ARFGEF1: variants seen among roughly 807,000 people sequenced by gnomAD.
ARFGEF1 encodes the protein brefeldin A-inhibited guanine nucleotide-exchange protein 1.
Under a neutral mutation model 231.0 loss-of-function variants are expected in ARFGEF1, and 42 were observed. The ratio of observed to expected loss-of-function variants is 0.18; its 90% confidence interval spans 0.14 to 0.24. The LOEUF (loss-of-function observed/expected upper bound fraction) is 0.24. ARFGEF1 is among the 10% of genes least tolerant of loss of function. ARFGEF1 has a pLI of 1.00. For synonymous variants in ARFGEF1, 710 were observed against 732.3 expected, an observed-to-expected ratio of 0.97 and a Z score of 0.49; for missense variants, 1,345 against 2,192.0, an observed-to-expected ratio of 0.61 and a Z score of 7.72.
intron 1 of ARFGEF1, among the ~76,000 whole-genome samples, chr8:67,329,216 CAAAACAA>C: frequency 6.7e-6 from 1 of 149,628 alleles, no homozygotes; most frequent in African/African-American, 2.5e-5. Context: ...TCTTTAAAAA[CAAAACAA>C]AAAACAAAAC....
At chr8:67,310,454 C>T (rs1320661177) in intron 1 of ARFGEF1, among the ~76,000 whole-genome samples, 2 of 152,224 alleles carry the variant, frequency 1.3e-5, no homozygotes, top group African/African-American at 4.8e-5. Flanking sequence ...CTACAACCTA[C>T]ACCTCCCAGC....
At chr8:67,221,762 G>A (rs539226420) in intron 29 of ARFGEF1, among the ~76,000 whole-genome samples, 2 of 151,512 alleles carry the variant, frequency 1.3e-5, no homozygotes, top group African/African-American at 4.8e-5. Flanking sequence ...CCAGTCCGGC[G>A]AGTTCCAGTC....
At chr8:67,182,263 G>C (rs1320899808) in intron 5 of ARFGEF1, among the ~76,000 whole-genome samples, 1 of 152,062 alleles carries the variant, frequency 6.6e-6, no homozygotes, top group Non-Finnish European at 1.5e-5. Context: ...GCCTCCCAAA[G>C]TGCCAAAGTG....
chr8:67,243,523 C>G (rs1839996372), intron 19 of ARFGEF1, among the ~76,000 whole-genome samples: 1 of 152,204 alleles, frequency 6.6e-6, no homozygotes, highest in Admixed American at 6.5e-5. Flanking sequence ...TTACCTCCCA[C>G]TGGGTCTCTC....
intron 3 of ARFGEF1, among the ~76,000 whole-genome samples, chr8:67,299,814 A>G (rs1412297587): frequency 6.6e-6 from 1 of 152,020 alleles, no homozygotes; most frequent in Non-Finnish European, 1.5e-5. Flanking sequence ...ACAAAAAATA[A>G]AAAATTAGCT....
chr8:67,222,216 T>C (rs1243600449), intron 29 of ARFGEF1, among the ~76,000 whole-genome samples: 2 of 125,176 alleles, frequency 1.6e-5, no homozygotes, highest in African/African-American at 6.2e-5. Flanking sequence ...CACACACATA[T>C]ATATATATGT....
intron 13 of ARFGEF1, 106 bp from the exon 14 acceptor site, chr8:67,266,313 A>G (rs1804848735): frequency 6.4e-6 from 5 of 777,968 alleles, no homozygotes; most frequent in Non-Finnish European, 1.0e-5. Flanking sequence ...TGTTGCTTAG[A>G]TATCTATTTA....
downstream of ARFGEF1, chr8:67,195,454 C>G: frequency 1.2e-6 from 2 of 1,614,166 alleles, no homozygotes; most frequent in Non-Finnish European, 1.7e-6. Context: ...AACTCTGTAG[C>G]AACTGAGCCC....
rs1456116057 is a variant in ARFGEF1, at chr8:67,343,634, C to T, written c.-347G>A. 3 of 1,025,340 alleles carry T rather than the reference C, an allele frequency of 2.9e-6. No homozygotes were observed. In the East Asian group the frequency reaches 2.7e-4, roughly 91 times the overall value. The allele number at this position is 1,025,340 out of a possible 1,614,324, so 63.5% of individuals were successfully genotyped here. A position where few individuals can be genotyped will look rare whatever the true frequency, so the allele number is the denominator to read the frequency against. On this transcript the variant is annotated 5_prime_UTR_variant, in exon 1 of 39. Coordinates refer to ENST00000262215, the MANE Select transcript of ARFGEF1 (RefSeq NM_006421.5). ...GAGCCCGGCCCGGGCGGCTGTCTGC[C>T]GGGAACTGAGGGACGAGGTGGCGGC... is the stretch of plus-strand genomic sequence containing the variant.
At chr8:67,287,764 G>C (rs796426181) in intron 7 of ARFGEF1, among the ~76,000 whole-genome samples, 191 bp downstream of exon 7, 9 of 152,282 alleles carry the variant, frequency 5.9e-5, no homozygotes, top group African/African-American at 2.2e-4. Flanking sequence ...ATTTCTCAGT[G>C]CTAAAATCTT....
At chr8:67,301,101 A>T in intron 3 of ARFGEF1, 123 bp downstream of exon 3, 1 of 974,386 alleles carries the variant, frequency 1.0e-6, no homozygotes, top group Non-Finnish European at 1.4e-6. Context: ...AATCACTTGG[A>T]TTTTTTACCA....
rs1425889513 is a variant in ARFGEF1 at position 67,203,072 on chromosome 8, G to C, written c.5128+11C>G. The C allele has an allele frequency of 6.2e-7, 1 of 1,608,942 alleles. No homozygotes were observed. Among genetic ancestry groups the C allele is most frequent in the Non-Finnish European group, 8.5e-7 (1 of 1,177,582 alleles). On this transcript the variant is annotated intron_variant, in intron 36 of 38. Transcript: ENST00000262215. ...ACAGTAAACATTAAATGTGAGGCGT[G>C]TGCAGCTTACCTGCTTTCCACAGGG...
intron 19 of ARFGEF1, among the ~76,000 whole-genome samples, chr8:67,246,012 T>C (rs953222680): frequency 4.7e-5 from 7 of 150,302 alleles, no homozygotes; most frequent in Non-Finnish European, 1.5e-5. Flanking sequence ...CAATATGCAA[T>C]GATAAAGAGG....
chr8:67,227,951 T>C lies in ARFGEF1; in HGVS notation c.3591+12A>G. On this transcript the variant is annotated intron_variant, in intron 25 of 38. Coordinates refer to ENST00000262215, the MANE Select transcript of ARFGEF1 (RefSeq NM_006421.5). ...CTACAAATGTAAACAAACACCATAGTTATTCAAATACCTTATTAAAATGAT... is the reference window on the plus strand; with the variant it reads ...CTACAAATGTAAACAAACACCATAGCTATTCAAATACCTTATTAAAATGAT... The C allele has an allele frequency of 6.5e-7, 1 of 1,539,684 alleles. No homozygotes were observed. Among genetic ancestry groups the C allele is most frequent in the South Asian group, 1.3e-5 (1 of 78,090 alleles).
At chr8:67,322,276 A>G (rs1246630307) in intron 1 of ARFGEF1, among the ~76,000 whole-genome samples, 1 of 152,338 alleles carries the variant, frequency 6.6e-6, no homozygotes, top group East Asian at 1.9e-4. Flanking sequence ...CCAACCTTCT[A>G]GGTAACTCTC....
intron 5 of ARFGEF1, among the ~76,000 whole-genome samples, chr8:67,295,848 C>A (rs1278124041): frequency 6.6e-6 from 1 of 152,116 alleles, no homozygotes; most frequent in Non-Finnish European, 1.5e-5. Flanking sequence ...AAAGGGATTG[C>A]TCTGAAAAAT....
chr8:67,195,673 T>A, downstream of ARFGEF1: 1 of 1,265,002 alleles, frequency 7.9e-7, no homozygotes. Flanking sequence ...GTCCTACTTT[T>A]GGCCCCTACC....
At chr8:67,274,443 A>C (rs1671418836) in intron 9 of ARFGEF1, among the ~76,000 whole-genome samples, 1 of 152,112 alleles carries the variant, frequency 6.6e-6, no homozygotes, top group Non-Finnish European at 1.5e-5. Flanking sequence ...TCAAGTCAAG[A>C]AGGTCTTCAA....
rs75226065 is a variant in ARFGEF1, at chr8:67,189,965, G to T, written c.560+10431C>A. Among the ~76,000 whole-genome samples the T allele has an allele frequency of 2.7e-4, 41 of 152,314 alleles. 1 individual carries two copies. The South Asian group carries it at 8.1e-3, about 30-fold the overall frequency. On this transcript the variant is annotated intron_variant, in intron 5 of 5. Transcript: ENST00000518789. ...AAAAGACCGACAATACCAAGTGTTG[G>T]TGAGGATGTGGGGAAATTGGAACCC...
Sources: allele counts gnomAD v4.1 joint callset (sites outside exome capture counted in the v4.1 genomes callset), GRCh38; gene constraint gnomAD v4.1.1; transcripts MANE v1.5; gene names NCBI Gene and HGNC (gene_info 2026-07-23, HGNC 2026-07-21).